Variants in SORT1 observed in about 807,000 individuals in gnomAD.
SORT1 encodes the protein sortilin.
A neutral mutation model predicts 101.7 loss-of-function variants in SORT1; 39 were observed. That is an observed-to-expected ratio of 0.38 (90% CI 0.30 to 0.50). SORT1 has a LOEUF of 0.50. Among genes scored for constraint, SORT1 ranks in the 20% least tolerant of loss-of-function variants. The probability of loss-of-function intolerance (pLI) is 0.90; values close to 1 mark genes in which losing one functional copy is unlikely to be tolerated. For synonymous variants in SORT1, 396 were observed against 393.7 expected, an observed-to-expected ratio of 1.01 and a Z score of -0.07; for missense variants, 878 against 1,040.4, an observed-to-expected ratio of 0.84 and a Z score of 2.15.
In SORT1 at chr1:109,312,819, A is replaced by G. The variant is rs1658804251; in HGVS notation, c.*1224T>C. 1 of 152,256 alleles carries G rather than the reference A, an allele frequency of 6.6e-6. No individual in the cohort carries two copies. The highest frequency in any genetic ancestry group is 2.4e-5 in the African/African-American group (1 of 41,474). The allele number at this position is 152,256 out of a possible 1,614,324, so 9.4% of individuals were successfully genotyped here. On this transcript the variant is annotated 3_prime_UTR_variant, in exon 20 of 20. Coordinates refer to ENST00000256637, the MANE Select transcript of SORT1 (RefSeq NM_002959.7). Reference sequence around the variant, plus strand: ...AAAACTTCTTTTAATCCAAAATAAGAACTTAATGTATCACACAAAGCATCA... The same window carrying G: ...AAAACTTCTTTTAATCCAAAATAAGGACTTAATGTATCACACAAAGCATCA...
intron 3 of SORT1, among the ~76,000 whole-genome samples, chr1:109,357,412 G>A (rs1380663719): frequency 6.6e-6 from 1 of 152,252 alleles, no homozygotes; most frequent in Non-Finnish European, 1.5e-5. Flanking sequence ...AGTGTAAGGG[G>A]CTGAAGTGAA....
At position 109,346,055 on chromosome 1, in the gene SORT1, T is replaced by A. The variant is rs1251920349; in HGVS notation, c.833-174A>T. Among the ~76,000 whole-genome samples, 3 of 152,182 alleles carry A rather than the reference T, an allele frequency of 2.0e-5. No individual in the cohort carries two copies. The East Asian group carries it at 5.8e-4, about 29-fold the overall frequency. On this transcript the variant is annotated intron_variant, in intron 7 of 19. Transcript: ENST00000256637. ...GGCCAGGCGCAGTGGCTCATGCCTGTAATCCCAGCACTTTGGGAGGCTGAG... is the reference window on the plus strand; with the variant it reads ...GGCCAGGCGCAGTGGCTCATGCCTGAAATCCCAGCACTTTGGGAGGCTGAG...
intron 13 of SORT1, among the ~76,000 whole-genome samples, chr1:109,325,680 T>G (rs1647958829): frequency 6.6e-6 from 1 of 152,090 alleles, no homozygotes; most frequent in African/African-American, 2.4e-5. Context: ...GGCTTTTAAA[T>G]TAATAAATTT....
chr1:109,323,152 AC>A, intron 14 of SORT1, 31 bp from the exon 15 acceptor site: 1 of 1,577,354 alleles, frequency 6.3e-7, no homozygotes, highest in Non-Finnish European at 8.7e-7. Context: ...TCAGGAAAGT[AC>A]ACAGCACAGA....
At chr1:109,320,730 T>C (rs1647569398) in intron 15 of SORT1, among the ~76,000 whole-genome samples, 1 of 152,216 alleles carries the variant, frequency 6.6e-6, no homozygotes, top group Non-Finnish European at 1.5e-5. Flanking sequence ...AATTTTCCAT[T>C]ATCACTTTTC....
chr1:109,340,806 G>A lies in SORT1; in HGVS notation c.1182C>T (p.Leu394=). ...CCGTCTCTCCGCCTGTGGTAGTGTA[G>A]AGATGTCGGTCCAAAGACTTGGAAT... ...IVYSKSLDRH[L]YTTTGGETDF... The change falls in exon 10 of 20, where the codon CTC becomes CTT. Residue 394 remains leucine, a synonymous_variant. Coordinates refer to ENST00000256637, the MANE Select transcript of SORT1 (RefSeq NM_002959.7). 2.5e-6 allele frequency: 4 copies of A among 1,614,138 alleles called. No homozygotes were observed. The South Asian group carries it at 3.3e-5, about 13-fold the overall frequency.
rs1413890657 is a variant in SORT1, at chr1:109,311,398, T to C, written c.*2645A>G. The C allele has an allele frequency of 6.6e-6, 1 of 152,250 alleles. No individual in the cohort carries two copies. Among genetic ancestry groups the C allele is most frequent in the East Asian group, 1.9e-4 (1 of 5,198 alleles). The allele number at this position is 152,250 out of a possible 1,614,324, so 9.4% of individuals were successfully genotyped here. A position where few individuals can be genotyped will look rare whatever the true frequency, so the allele number is the denominator to read the frequency against. ...ACATGAGTAGGACAAATTAGAAATC[T>C]ATTTTTTTAGAAGCTGTAACAGATT... On this transcript the variant is annotated 3_prime_UTR_variant, in exon 20 of 20. Coordinates refer to ENST00000256637, the MANE Select transcript of SORT1 (RefSeq NM_002959.7).
chr1:109,378,504 A>T (rs1337887451), intron 1 of SORT1, among the ~76,000 whole-genome samples: 3 of 151,546 alleles, frequency 2.0e-5, no homozygotes, highest in African/African-American at 7.3e-5. Flanking sequence ...TAAGAAGAAT[A>T]AATGAAATAT....
intron 8 of SORT1, among the ~76,000 whole-genome samples, chr1:109,344,546 T>TGGCCAC (rs1451440470): frequency 6.6e-6 from 1 of 152,206 alleles, no homozygotes; most frequent in East Asian, 1.9e-4. Context: ...TCCTCCCAGA[T>TGGCCAC]GGCCACATGG....
At position 109,327,137 on chromosome 1, in the gene SORT1, C is replaced by T; in HGVS notation, c.1498G>A (p.Val500Met). 4 of 1,613,528 alleles carry T rather than the reference C, an allele frequency of 2.5e-6. No homozygotes were observed. The East Asian group carries it at 8.9e-5, about 36-fold the overall frequency. The change falls in exon 13 of 20, where the codon GTG becomes ATG. Residue 500 changes from valine to methionine, a missense_variant. By Grantham distance (21) the Val-to-Met change is conservative. Transcript: ENST00000256637. ...GAGATGTACACATCTGGAACCATCACTGAGATGGCATCCCCCACGCTACCT... is the reference window on the plus strand; with the variant it reads ...GAGATGTACACATCTGGAACCATCATTGAGATGGCATCCCCCACGCTACCT... Reference protein sequence around the residue: ...AHGSVGDAISVMVPDVYISDD... With the variant: ...AHGSVGDAISMMVPDVYISDD...
At chr1:109,390,802 C>CGT (rs1005901493) in intron 1 of SORT1, among the ~76,000 whole-genome samples, 10 of 142,424 alleles carry the variant, frequency 7.0e-5, no homozygotes, top group Non-Finnish European at 1.5e-4. Context: ...TGTGTGTGCG[C>CGT]GCGCGCGTTT....
chr1:109,329,646 A>G (rs924883239), intron 11 of SORT1, among the ~76,000 whole-genome samples: 5 of 152,248 alleles, frequency 3.3e-5, no homozygotes, highest in Non-Finnish European at 7.3e-5. Flanking sequence ...TAAAGGTGTC[A>G]ATTCATCAAG....
At chr1:109,333,780 C>A (rs1401600887) in intron 11 of SORT1, among the ~76,000 whole-genome samples, 1 of 152,112 alleles carries the variant, frequency 6.6e-6, no homozygotes, top group Admixed American at 6.6e-5. Context: ...AAAAGGGAAC[C>A]CTGTACACTG....
intron 1 of SORT1, chr1:109,393,102 A>G: frequency 1.0e-6 from 1 of 985,404 alleles, no homozygotes; most frequent in South Asian, 4.7e-5. Flanking sequence ...AGCTCCCTGA[A>G]GCCTCTGACA....
chr1:109,362,673 T>C (rs1650801357), intron 3 of SORT1, among the ~76,000 whole-genome samples: 1 of 152,190 alleles, frequency 6.6e-6, no homozygotes, highest in African/African-American at 2.4e-5. Flanking sequence ...ACAGAACTTT[T>C]AATCAGAAGG....
chr1:109,310,348 G>A lies in SORT1; in HGVS notation c.*3695C>T, dbSNP rs1658648734. 6.5e-6 allele frequency: 1 copy of A among 153,856 alleles called. No homozygotes were observed. Among genetic ancestry groups the A allele is most frequent in the Non-Finnish European group, 1.5e-5 (1 of 68,038 alleles). 9.5% of individuals were successfully genotyped at this position (153,856 alleles called of 1,614,324 possible). ...ATCAACATGCTCCTGCTATTTCAATGATGCTTCATGAGGGCAAGGCCTGGG... is the reference window on the plus strand; with the variant it reads ...ATCAACATGCTCCTGCTATTTCAATAATGCTTCATGAGGGCAAGGCCTGGG... On this transcript the variant is annotated 3_prime_UTR_variant, in exon 20 of 20. Transcript: ENST00000256637.
At chr1:109,386,669 A>C (rs1557827512) in intron 1 of SORT1, among the ~76,000 whole-genome samples, 1 of 152,340 alleles carries the variant, frequency 6.6e-6, no homozygotes, top group South Asian at 2.1e-4. Context: ...CCTAGGCAGC[A>C]TAGTAAGACC....
chr1:109,336,812 G>GA (rs11356350), intron 10 of SORT1, among the ~76,000 whole-genome samples: 1,440 of 135,548 alleles, frequency 0.011, 17 homozygotes, highest in Middle Eastern at 0.026. Flanking sequence ...TCTTGTCTCA[G>GA]AAAAAAAAAA....
intron 14 of SORT1, among the ~76,000 whole-genome samples, chr1:109,323,634 C>T (rs968661022): frequency 5.3e-5 from 8 of 152,202 alleles, no homozygotes; most frequent in Non-Finnish European, 7.3e-5. Context: ...CTCAGTTGAC[C>T]GGCTCTCAAA....
Sources: allele counts gnomAD v4.1 joint callset (sites outside exome capture counted in the v4.1 genomes callset), GRCh38; gene constraint gnomAD v4.1.1; transcripts MANE v1.5; gene names NCBI Gene and HGNC (gene_info 2026-07-23, HGNC 2026-07-21).